The following TRIM69 variants were observed in gnomAD, a reference collection of about 807,000 sequenced individuals.
TRIM69 encodes the protein tripartite motif containing 69.
In TRIM69, 29 loss-of-function variants were observed where a neutral mutation model predicts 37.7. The observed-to-expected ratio is 0.77, with a 90% CI of 0.57 to 1.05. The LOEUF is 1.05. TRIM69 is among the 50% of genes least tolerant of loss of function. The pLI is 0.00. For missense variants in TRIM69, 596 were observed against 579.9 expected, an observed-to-expected ratio of 1.03 and a Z score of -0.28; for synonymous variants, 209 against 212.4, an observed-to-expected ratio of 0.98 and a Z score of 0.14.
intron 6 of TRIM69, 66 bp from the exon 7 acceptor site, chr15:44,767,165 T>C: frequency 7.4e-7 from 1 of 1,359,434 alleles, no homozygotes; most frequent in Non-Finnish European, 1.0e-6. Flanking sequence ...ATACTATCTT[T>C]TACTGTGGGA....
chr15:44,759,986 A>T (rs2087742254), intron 6 of TRIM69, 114 bp downstream of exon 6: 3 of 1,268,796 alleles, frequency 2.4e-6, no homozygotes, highest in Non-Finnish European at 3.3e-6. Flanking sequence ...GAAGGGGTAC[A>T]GTTTGGCCAA....
intron 1 of TRIM69, among the ~76,000 whole-genome samples, chr15:44,737,542 T>G (rs1304652966): frequency 1.3e-5 from 2 of 152,190 alleles, no homozygotes; most frequent in Non-Finnish European, 2.9e-5. Flanking sequence ...AAAAATTGTT[T>G]GTGTGATAGT....
At chr15:44,763,084 T>G (rs2087812302) in intron 6 of TRIM69, among the ~76,000 whole-genome samples, 1 of 152,220 alleles carries the variant, frequency 6.6e-6, no homozygotes, top group Admixed American at 6.5e-5. Flanking sequence ...CTGAAATCCA[T>G]AGTTCCTTTA....
At chr15:44,765,150 G>T (rs992845771) in intron 6 of TRIM69, among the ~76,000 whole-genome samples, 1 of 152,158 alleles carries the variant, frequency 6.6e-6, no homozygotes, top group Non-Finnish European at 1.5e-5. Flanking sequence ...AAGTGTTTGG[G>T]CACAAGATAT....
chr15:44,763,532 T>C (rs1454391610), intron 6 of TRIM69, among the ~76,000 whole-genome samples: 1 of 152,192 alleles, frequency 6.6e-6, no homozygotes, highest in East Asian at 1.9e-4. Flanking sequence ...AGCCCACGCT[T>C]AAGGAGGGGA....
In TRIM69 at chr15:44,762,376, C is replaced by A. The variant is rs115634917; in HGVS notation, c.961+2504C>A. Among the ~76,000 whole-genome samples, 1,248 of 152,202 alleles carry A rather than the reference C, an allele frequency of 8.2e-3. 18 individuals carry two copies. The highest frequency in any genetic ancestry group is 0.026 in the African/African-American group (1,090 of 41,530). On this transcript the variant is annotated intron_variant, in intron 6 of 6. Coordinates refer to ENST00000329464, the MANE Select transcript of TRIM69 (RefSeq NM_182985.5). ...TTTATTCTGCTTGTGCGTCATTGAG[C>A]TGCTTGGATCTAAGGGTTTATAATT... is the stretch of plus-strand genomic sequence containing the variant.
At chr15:44,738,398 C>T (rs1429886896) in intron 1 of TRIM69, among the ~76,000 whole-genome samples, 2 of 152,000 alleles carry the variant, frequency 1.3e-5, no homozygotes, top group Admixed American at 1.3e-4. Flanking sequence ...TAAAGTGATT[C>T]CTGCCAGCCA....
chr15:44,749,608 G>T (rs920878334), intron 1 of TRIM69, among the ~76,000 whole-genome samples: 3 of 152,054 alleles, frequency 2.0e-5, no homozygotes, highest in African/African-American at 7.3e-5. Flanking sequence ...TATGAATATG[G>T]CACACTTTTC....
rs1426877438 is a variant in TRIM69, at chr15:44,759,875, A to G, written c.961+3A>G. 2 of 1,609,522 alleles carry G rather than the reference A, an allele frequency of 1.2e-6. No individual in the cohort carries two copies. On this transcript the variant is annotated splice_donor_region_variant and intron_variant, in intron 6 of 6. Coordinates refer to ENST00000329464, the MANE Select transcript of TRIM69 (RefSeq NM_182985.5). ...AATGCAGGACACTCTCTGCCCAGGT[A>G]TCAGTGGGTAGTAACTATTGGTTCT...
intron 3 of TRIM69, 52 bp downstream of exon 3, chr15:44,756,515 T>C (rs1404675263): frequency 1.6e-6 from 2 of 1,257,176 alleles, no homozygotes; most frequent in Non-Finnish European, 2.3e-6. Context: ...ACACCCTCCA[T>C]GTAACTTCAG....
At chr15:44,737,537 T>C (rs1024620697) in intron 1 of TRIM69, among the ~76,000 whole-genome samples, 2 of 152,164 alleles carry the variant, frequency 1.3e-5, no homozygotes, top group African/African-American at 4.8e-5. Flanking sequence ...AGTAAAAAAA[T>C]TGTTTGTGTG....
At chr15:44,747,694 C>T (rs2087438032) in intron 1 of TRIM69, among the ~76,000 whole-genome samples, 1 of 152,136 alleles carries the variant, frequency 6.6e-6, no homozygotes. Flanking sequence ...GGAGATCAGG[C>T]ATCAGCAATA....
At chr15:44,744,036 A>G (rs34865393) in intron 1 of TRIM69, among the ~76,000 whole-genome samples, 3,788 of 152,086 alleles carry the variant, frequency 0.025, 148 homozygotes, top group African/African-American at 0.087. Flanking sequence ...ATTCACAATA[A>G]CAAAGACTTG....
chr15:44,759,643 A>G lies in TRIM69; in HGVS notation c.817A>G (p.Ile273Val). 2 of 1,614,046 alleles carry G rather than the reference A, an allele frequency of 1.2e-6. No homozygotes were observed. The highest frequency in any genetic ancestry group is 1.7e-6 in the Non-Finnish European group (2 of 1,179,952). Residue 273 changes from isoleucine to valine, a missense_variant, in exon 5 of 7, where the codon ATC becomes GTC. By Grantham distance (29) the Ile-to-Val change is conservative (BLOSUM62 3). Coordinates refer to ENST00000329464, the MANE Select transcript of TRIM69 (RefSeq NM_182985.5). Reference protein sequence around the residue: ...QQNSFDFLKDITTLLHSLEQG... With the variant: ...QQNSFDFLKDVTTLLHSLEQG... ...CTCTCTTTCTCCTTTCTTCTAGGAC[A>G]TCACAACTCTCTTACATAGGTAAGT...
chr15:44,750,619 A>G (rs1169284846), intron 1 of TRIM69, among the ~76,000 whole-genome samples: 1 of 150,378 alleles, frequency 6.6e-6, no homozygotes, highest in Non-Finnish European at 1.5e-5. Flanking sequence ...AGTAATTTAA[A>G]TCTTCTCTCT....
chr15:44,758,904 G>T, intron 4 of TRIM69, 50 bp downstream of exon 4: 1 of 1,565,642 alleles, frequency 6.4e-7, no homozygotes, highest in African/African-American at 1.4e-5. Context: ...CCTAGAGGGG[G>T]GAAGAGGTTT....
intron 6 of TRIM69, among the ~76,000 whole-genome samples, chr15:44,763,981 G>T (rs2087834791): frequency 6.6e-6 from 1 of 152,206 alleles, no homozygotes; most frequent in Non-Finnish European, 1.5e-5. Context: ...TCCAGAAATT[G>T]TTCAGTCTAT....
Position 44,755,051 on chromosome 15 carries a change from T to A in TRIM69, c.158T>A (p.Met53Lys), listed in dbSNP as rs1376200793. 1 of 1,614,230 alleles carries A rather than the reference T, an allele frequency of 6.2e-7. No individual in the cohort carries two copies. The highest frequency in any genetic ancestry group is 2.2e-5 in the East Asian group (1 of 44,886). ...AATGATTGGTTCCGAGACCCACTGATGCTAAGCTGTGGCCACAACTTCTGT... is the reference window on the plus strand; with the variant it reads ...AATGATTGGTTCCGAGACCCACTGAAGCTAAGCTGTGGCCACAACTTCTGT... The part of the protein sequence containing the change: ...LCNDWFRDPL[M>K]LSCGHNFCEA... The change falls in exon 2 of 7, where the codon ATG becomes AAG. Residue 53 changes from methionine to lysine, a missense_variant. Coordinates refer to ENST00000329464, the MANE Select transcript of TRIM69 (RefSeq NM_182985.5).
At chr15:44,751,169 A>G (rs1181859957) in intron 1 of TRIM69, among the ~76,000 whole-genome samples, 4 of 149,284 alleles carry the variant, frequency 2.7e-5, no homozygotes, top group Non-Finnish European at 6.0e-5. Flanking sequence ...AGGCTGGAGT[A>G]CAATGGCACG....
Sources: allele counts gnomAD v4.1 joint callset (sites outside exome capture counted in the v4.1 genomes callset), GRCh38; gene constraint gnomAD v4.1.1; transcripts MANE v1.5; gene names NCBI Gene and HGNC (gene_info 2026-07-23, HGNC 2026-07-21).